GARNL3: variants seen among roughly 807,000 people sequenced by gnomAD.
GARNL3 encodes GTPase-activating Rap/Ran-GAP domain-like protein 3.
GARNL3 carries 63 observed loss-of-function variants against 125.0 expected under a neutral mutation model. The observed-to-expected ratio is 0.50, with a 90% confidence interval of 0.41 to 0.62. GARNL3 has a LOEUF of 0.62. Ranked by LOEUF, GARNL3 falls within the 20% of genes least tolerant of loss-of-function variation. The pLI, the probability that GARNL3 is intolerant of heterozygous loss-of-function variation, is 0.00. For missense variants in GARNL3, 994 were observed against 1,244.0 expected (o/e 0.80, Z 3.02); for synonymous variants, 439 against 457.5 (o/e 0.96, Z 0.52).
intron 2 of GARNL3, among the ~76,000 whole-genome samples, chr9:127,257,781 A>G (rs1470511499): frequency 2.6e-5 from 4 of 152,242 alleles, no homozygotes; most frequent in Non-Finnish European, 5.9e-5. Flanking sequence ...CCTGTGTTCA[A>G]GTAGAGCAAA....
At chr9:127,256,905 T>C (rs1051131192) in intron 2 of GARNL3, among the ~76,000 whole-genome samples, 39 of 152,194 alleles carry the variant, frequency 2.6e-4, no homozygotes, top group African/African-American at 9.4e-4. Context: ...TTTACCTGTA[T>C]TCACAGACAA....
chr9:127,357,675 C>T (rs568424697), intron 21 of GARNL3, among the ~76,000 whole-genome samples: 5 of 152,040 alleles, frequency 3.3e-5, no homozygotes, highest in East Asian at 1.9e-4. Context: ...CAATGGCTCA[C>T]GCCTGTAATC....
At chr9:127,252,384 A>G (rs907932183) in intron 2 of GARNL3, among the ~76,000 whole-genome samples, 18 of 152,356 alleles carry the variant, frequency 1.2e-4, no homozygotes, top group South Asian at 1.0e-3. Context: ...GATGAGAAGC[A>G]TGGATACACA....
chr9:127,295,151 T>C (rs888613448), intron 2 of GARNL3, among the ~76,000 whole-genome samples: 13 of 152,344 alleles, frequency 8.5e-5, no homozygotes, highest in African/African-American at 3.1e-4. Flanking sequence ...GAATTGGATA[T>C]CATCCAGATT....
chr9:127,286,058 G>A (rs2064241711), intron 1 of GARNL3, among the ~76,000 whole-genome samples: 1 of 152,150 alleles, frequency 6.6e-6, no homozygotes, highest in South Asian at 2.1e-4. Context: ...TCCTTCAGGA[G>A]TGCAGATCTG....
chr9:127,371,261 T>TC (rs1215696008), intron 22 of GARNL3, among the ~76,000 whole-genome samples: 1 of 152,170 alleles, frequency 6.6e-6, no homozygotes, highest in Non-Finnish European at 1.5e-5. Context: ...AACCCACCTC[T>TC]CCCCTCTGCA....
intron 2 of GARNL3, among the ~76,000 whole-genome samples, chr9:127,254,094 C>T (rs1213804031): frequency 2.6e-5 from 4 of 152,182 alleles, no homozygotes; most frequent in Admixed American, 2.0e-4. Context: ...AGTTGGTCAG[C>T]GTCTCTCAGG....
At chr9:127,248,299 T>C (rs1241143700) in intron 2 of GARNL3, among the ~76,000 whole-genome samples, 1 of 152,216 alleles carries the variant, frequency 6.6e-6, no homozygotes, top group East Asian at 1.9e-4. Context: ...ACAGAGCTTG[T>C]GTATTACTTC....
chr9:127,391,533 A>AAAT, intron 27 of GARNL3, among the ~76,000 whole-genome samples: 3 of 75,844 alleles, frequency 4.0e-5, no homozygotes, highest in Admixed American at 1.3e-4. Flanking sequence ...ACAAAAAAAA[A>AAAT]ATATATATAT....
intron 1 of GARNL3, among the ~76,000 whole-genome samples, chr9:127,286,527 A>G (rs1225174971): frequency 3.3e-5 from 5 of 151,946 alleles, no homozygotes; most frequent in African/African-American, 7.3e-5. Context: ...ATTTTCCTCT[A>G]TTTGTCTCAA....
At chr9:127,318,012 G>A (rs563069106) in intron 4 of GARNL3, 51 bp from the exon 5 acceptor site, 2 of 1,095,642 alleles carry the variant, frequency 1.8e-6, no homozygotes, top group African/African-American at 1.5e-5. Flanking sequence ...GGCTCTTTTG[G>A]AGAAGGAAGT....
At chr9:127,343,581 A>G (rs777956313) in intron 14 of GARNL3, among the ~76,000 whole-genome samples, 1 of 152,238 alleles carries the variant, frequency 6.6e-6, no homozygotes, top group Admixed American at 6.5e-5. Context: ...GATAGAGACT[A>G]TGTCTATCAC....
intron 1 of GARNL3, among the ~76,000 whole-genome samples, chr9:127,230,883 C>G (rs2062987919): frequency 6.6e-6 from 1 of 150,744 alleles, no homozygotes; most frequent in African/African-American, 2.4e-5. Context: ...CTGAACAAAA[C>G]TTTTAGGGGT....
chr9:127,279,246 C>G (rs1042663454), intron 1 of GARNL3, among the ~76,000 whole-genome samples: 3 of 151,252 alleles, frequency 2.0e-5, no homozygotes, highest in African/African-American at 7.3e-5. Flanking sequence ...AATTTATCTG[C>G]ACCTTTGTAT....
intron 5 of GARNL3, among the ~76,000 whole-genome samples, chr9:127,318,535 C>T (rs1365924155): frequency 2.0e-5 from 3 of 152,172 alleles, no homozygotes; most frequent in Non-Finnish European, 4.4e-5. Context: ...AATATTTTTC[C>T]TTCCATTTTT....
chr9:127,272,947 A>G (rs575550218), intron 1 of GARNL3, among the ~76,000 whole-genome samples: 20 of 152,274 alleles, frequency 1.3e-4, no homozygotes, highest in Non-Finnish European at 1.9e-4. Flanking sequence ...ATTACTTTTT[A>G]TACATTAGAA....
chr9:127,253,430 A>G (rs759659371), intron 2 of GARNL3, among the ~76,000 whole-genome samples: 4 of 152,228 alleles, frequency 2.6e-5, no homozygotes, highest in Non-Finnish European at 4.4e-5. Context: ...AACCCTACTA[A>G]GAACTAAGTC....
At chr9:127,287,539 G>A (rs889777624) in intron 1 of GARNL3, among the ~76,000 whole-genome samples, 8 of 152,172 alleles carry the variant, frequency 5.3e-5, no homozygotes, top group African/African-American at 9.7e-5. Flanking sequence ...AGCAGCTGAC[G>A]TACTGGTCTT....
chr9:127,353,618 G>A (rs1347250587), intron 17 of GARNL3: 4 of 513,508 alleles, frequency 7.8e-6, no homozygotes, highest in Non-Finnish European at 1.0e-5. Flanking sequence ...CCTATATAGA[G>A]TTCGGGATAT....
Sources: allele counts gnomAD v4.1 joint callset (sites outside exome capture counted in the v4.1 genomes callset), GRCh38; gene constraint gnomAD v4.1.1; transcripts MANE v1.5; gene names NCBI Gene and HGNC (gene_info 2026-07-23, HGNC 2026-07-21).